The following SNX7 variants were observed in gnomAD, a reference collection of about 807,000 sequenced individuals.
SNX7 encodes the protein sorting nexin 7, also known as sorting nexin-7.
In SNX7, 35 loss-of-function variants were observed where a neutral mutation model predicts 48.4. The observed-to-expected ratio is 0.72, with a 90% CI of 0.55 to 0.96. The LOEUF (loss-of-function observed/expected upper bound fraction) is 0.96, where lower values mean the gene tolerates loss of function less well. Ranked by LOEUF, SNX7 falls within the 40% of genes least tolerant of loss-of-function variation. The probability of loss-of-function intolerance (pLI) is 0.00; values close to 1 mark genes in which losing one functional copy is unlikely to be tolerated. For synonymous variants in SNX7, 190 were observed against 190.2 expected (o/e 1.00, Z 0.01); for missense variants, 553 against 548.9 (o/e 1.01, Z -0.07).
At chr1:98,737,618 G>A (rs181205000) in intron 7 of SNX7, among the ~76,000 whole-genome samples, 168 of 152,270 alleles carry the variant, frequency 1.1e-3, no homozygotes, top group African/African-American at 3.7e-3. Context: ...GATAAGGTGG[G>A]GAAGAGGGTA....
chr1:98,705,851 T>C lies in SNX7; in HGVS notation c.1125+3948T>C, dbSNP rs190394438. Among the ~76,000 whole-genome samples the C allele has an allele frequency of 1.5e-3, 223 of 152,052 alleles. 1 individual carries two copies. Among genetic ancestry groups the C allele is most frequent in the African/African-American group, 5.2e-3 (217 of 41,478 alleles). On this transcript the variant is annotated intron_variant, in intron 7 of 8. Coordinates refer to ENST00000306121, the MANE Select transcript of SNX7 (RefSeq NM_015976.5). ...CTGAACTGAAGAGGTGGCAGTGGAG[T>C]TGCAGAGAAGAGTTAATATGAGAAA...
intron 5 of SNX7, among the ~76,000 whole-genome samples, chr1:98,696,162 A>G (rs1413678609): frequency 6.8e-6 from 1 of 146,528 alleles, no homozygotes; most frequent in Non-Finnish European, 1.5e-5. Context: ...CTCTTTTCCT[A>G]TTTTCTTTTT....
chr1:98,716,451 G>T (rs1261184437), intron 7 of SNX7, among the ~76,000 whole-genome samples: 1 of 152,126 alleles, frequency 6.6e-6, no homozygotes, highest in African/African-American at 2.4e-5. Flanking sequence ...TTAACCTTTA[G>T]AGCTGAGTTG....
intron 8 of SNX7, among the ~76,000 whole-genome samples, chr1:98,751,014 T>G (rs1654552464): frequency 6.6e-6 from 1 of 152,038 alleles, no homozygotes; most frequent in Non-Finnish European, 1.5e-5. Context: ...GGGATGAAGC[T>G]TAATGGACAC....
chr1:98,756,422 GTTTTTTTTT>G (rs35117249), intron 8 of SNX7, among the ~76,000 whole-genome samples: 2 of 54,688 alleles, frequency 3.7e-5, no homozygotes, highest in Admixed American at 6.6e-4. Context: ...TGCCAGATGA[GTTTTTTTTT>G]TTTTTTTTTT....
intron 2 of SNX7, among the ~76,000 whole-genome samples, chr1:98,685,356 C>A (rs1213759101): frequency 2.6e-5 from 4 of 151,980 alleles, no homozygotes; most frequent in South Asian, 4.2e-4. Context: ...TTAAGAAATA[C>A]CTTTGGAAAA....
At chr1:98,693,972 A>T (rs151287166) in intron 4 of SNX7, among the ~76,000 whole-genome samples, 165 of 152,228 alleles carry the variant, frequency 1.1e-3, no homozygotes, top group African/African-American at 3.7e-3. Context: ...TTCTCAAGGG[A>T]TATGTTTCTG....
chr1:98,705,075 A>G (rs9434377), intron 7 of SNX7, among the ~76,000 whole-genome samples: 131,665 of 152,110 alleles, frequency 0.87, 58,603 homozygotes, highest in Non-Finnish European at 0.96. Context: ...TTCTTACCAC[A>G]CAGATATACC....
intron 8 of SNX7, among the ~76,000 whole-genome samples, chr1:98,744,075 T>C (rs2101043419): frequency 6.6e-6 from 1 of 152,144 alleles, no homozygotes; most frequent in Admixed American, 6.6e-5. Context: ...CTAGACTTAA[T>C]TCTGATTAAC....
In SNX7 at chr1:98,662,084, CCGGGGCCGCGTCGCCT is replaced by C. The variant is rs1649263170; in HGVS notation, c.180+181_180+196del. 3.2e-6 allele frequency: 2 copies of C among 621,448 alleles called. 1 individual carries two copies. Among genetic ancestry groups the C allele is most frequent in the South Asian group, 1.7e-4 (2 of 11,582 alleles). 38.5% of individuals were successfully genotyped at this position (621,448 alleles called of 1,614,324 possible). On this transcript the variant is annotated intron_variant, in intron 1 of 8. Coordinates refer to ENST00000306121, the MANE Select transcript of SNX7 (RefSeq NM_015976.5). The stretch of plus-strand genomic sequence containing the variant: ...CCCCGCCTGCCAGCTCTGGCCGCAC[CCGGGGCCGCGTCGCCT>C]CGGGGCCTCAAACCGCAGCCGCTCC...
At chr1:98,750,591 G>A (rs1427311979) in intron 8 of SNX7, among the ~76,000 whole-genome samples, 1 of 151,986 alleles carries the variant, frequency 6.6e-6, no homozygotes, top group Admixed American at 6.6e-5. Context: ...GTATTTCCAG[G>A]AGTCTTAACC....
chr1:98,729,599 A>G (rs1653382968), intron 7 of SNX7, among the ~76,000 whole-genome samples: 1 of 152,172 alleles, frequency 6.6e-6, no homozygotes, highest in Non-Finnish European at 1.5e-5. Flanking sequence ...ACCCCACAGA[A>G]ACATAAACAA....
chr1:98,755,058 C>A (rs1654774744), intron 8 of SNX7, among the ~76,000 whole-genome samples: 1 of 152,080 alleles, frequency 6.6e-6, no homozygotes. Context: ...TCCTTTGACA[C>A]TGGAGGCTTT....
Position 98,701,950 on chromosome 1 carries a change from A to G in SNX7, c.1125+47A>G, listed in dbSNP as rs775532222. ...TACAATCATATAGAATTCATTGTCT[A>G]AAATTTTTATTAGCAATGTCCTTAC... On this transcript the variant is annotated intron_variant, in intron 7 of 8. Coordinates refer to ENST00000306121, the MANE Select transcript of SNX7 (RefSeq NM_015976.5). 9 of 1,353,180 alleles carry G rather than the reference A, an allele frequency of 6.7e-6. No homozygotes were observed. The African/African-American group carries it at 1.3e-4, about 20-fold the overall frequency. The allele number at this position is 1,353,180 out of a possible 1,614,324, so 83.8% of individuals were successfully genotyped here.
chr1:98,704,530 A>G (rs1651919025), intron 7 of SNX7, among the ~76,000 whole-genome samples: 1 of 152,194 alleles, frequency 6.6e-6, no homozygotes, highest in Admixed American at 6.5e-5. Context: ...GAGTTACTCT[A>G]AAAATGAACC....
intron 7 of SNX7, among the ~76,000 whole-genome samples, chr1:98,727,787 G>A (rs1050697253): frequency 1.3e-5 from 2 of 151,970 alleles, no homozygotes; most frequent in Admixed American, 6.6e-5. Context: ...AAGGATTCCA[G>A]AGATTGAAGA....
intron 1 of SNX7, among the ~76,000 whole-genome samples, chr1:98,681,135 C>T (rs1260182748): frequency 6.6e-6 from 1 of 152,166 alleles, no homozygotes; most frequent in Non-Finnish European, 1.5e-5. Flanking sequence ...TCACATCTTA[C>T]ATGGATGGCA....
chr1:98,742,681 C>T (rs1245394974), intron 8 of SNX7, among the ~76,000 whole-genome samples: 1 of 151,932 alleles, frequency 6.6e-6, no homozygotes, highest in African/African-American at 2.4e-5. Flanking sequence ...AAGCTCAGTA[C>T]ACAAATGTAT....
At chr1:98,698,466 T>C (rs1488273821) in intron 5 of SNX7, among the ~76,000 whole-genome samples, 1 of 152,128 alleles carries the variant, frequency 6.6e-6, no homozygotes, top group East Asian at 1.9e-4. Context: ...CAAGACATTT[T>C]TGACACTGAA....
Sources: gnomAD v4.1 joint callset for allele counts (sites outside exome capture counted in the v4.1 genomes callset) on GRCh38, gnomAD v4.1.1 for gene constraint, MANE v1.5 for transcripts, NCBI Gene and HGNC (gene_info 2026-07-23, HGNC 2026-07-21) for gene names.